LARGE1: variants seen among roughly 807,000 people sequenced by gnomAD.
LARGE1 encodes the protein xylosyl- and glucuronyltransferase LARGE1.
In LARGE1, 43 loss-of-function variants were observed where a neutral mutation model predicts 87.6. The ratio of observed to expected loss-of-function variants is 0.49; its 90% confidence interval spans 0.38 to 0.63. The LOEUF (loss-of-function observed/expected upper bound fraction) is 0.63. Ranked by LOEUF, LARGE1 falls within the 30% of genes least tolerant of loss-of-function variation. The pLI, the probability that LARGE1 is intolerant of heterozygous loss-of-function variation, is 0.00. For synonymous variants in LARGE1, 434 were observed against 394.6 expected (o/e 1.10, Z -1.18); for missense variants, 802 against 1,000.2 (o/e 0.80, Z 2.67).
rs34160766 is a variant in LARGE1, at chr22:33,676,590, C to CA, written c.107-25923dup. Among the ~76,000 whole-genome samples the CA allele has an allele frequency of 7.0e-3, 931 of 132,110 alleles. 3 individuals carry two copies. The highest frequency in any genetic ancestry group is 0.012 in the African/African-American group (428 of 36,362). The allele number at this position is 132,110 out of a possible 152,430, so 86.7% of individuals were successfully genotyped here. ...TACAGGAAAAGAAAAACACCACCAA[C>CA]AAAAAAAAAAAATAAGAAAATCAAC... On this transcript the variant is annotated intron_variant, in intron 2 of 14. Coordinates refer to ENST00000397394, the MANE Select transcript of LARGE1 (RefSeq NM_133642.5).
intron 11 of LARGE1, among the ~76,000 whole-genome samples, chr22:33,175,013 G>T (rs1454654212): frequency 6.6e-6 from 1 of 152,082 alleles, no homozygotes; most frequent in African/African-American, 2.4e-5. Flanking sequence ...ACCAAAACCT[G>T]GCAGAGACAC....
chr22:33,385,633 C>G (rs1441510937), intron 7 of LARGE1, among the ~76,000 whole-genome samples: 1 of 145,948 alleles, frequency 6.9e-6, no homozygotes, highest in African/African-American at 2.5e-5. Flanking sequence ...TACACTTAGG[C>G]TTAGCTGAAT....
At chr22:33,669,725 A>G (rs780505336) in intron 2 of LARGE1, among the ~76,000 whole-genome samples, 1 of 152,350 alleles carries the variant, frequency 6.6e-6, no homozygotes, top group Non-Finnish European at 1.5e-5. Context: ...AAATTACTGC[A>G]GCACATCTGT....
rs1262556444 is a variant in LARGE1, at chr22:33,255,786, C to T, written c.1730+48443G>A. Among the ~76,000 whole-genome samples the T allele has an allele frequency of 2.0e-5, 3 of 152,206 alleles. No individual in the cohort carries two copies. In the East Asian group the frequency reaches 5.8e-4, roughly 29 times the overall value. On this transcript the variant is annotated intron_variant, in intron 11 of 11. Transcript: ENST00000608642. The stretch of plus-strand genomic sequence containing the variant: ...CCACATTCATTTCTGAAACTATCTT[C>T]TTTTATCTCTGGCTAGGAATGTTTT...
chr22:33,328,067 T>A (rs763360536), intron 10 of LARGE1, among the ~76,000 whole-genome samples: 2 of 152,066 alleles, frequency 1.3e-5, no homozygotes, highest in Non-Finnish European at 2.9e-5. Context: ...CAAAAATAAA[T>A]AAGTCATGAT....
intron 2 of LARGE1, among the ~76,000 whole-genome samples, chr22:33,659,232 T>C (rs1296912458): frequency 2.0e-5 from 3 of 152,226 alleles, no homozygotes; most frequent in Non-Finnish European, 4.4e-5. Flanking sequence ...TATGAGACTA[T>C]ATTCATTTAG....
At chr22:33,882,877 T>G (rs2064737798) in intron 1 of LARGE1, among the ~76,000 whole-genome samples, 1 of 152,138 alleles carries the variant, frequency 6.6e-6, no homozygotes, top group South Asian at 2.1e-4. Flanking sequence ...GAGCGCTCTT[T>G]TAACTAATCA....
intron 11 of LARGE1, among the ~76,000 whole-genome samples, chr22:33,224,331 G>A: frequency 6.6e-6 from 1 of 152,120 alleles, no homozygotes; most frequent in Middle Eastern, 3.2e-3. Flanking sequence ...TAAATGCCCT[G>A]TATGACTAGA....
intron 7 of LARGE1, among the ~76,000 whole-genome samples, chr22:33,409,482 G>A (rs917746744): frequency 2.0e-5 from 3 of 152,160 alleles, no homozygotes; most frequent in South Asian, 4.1e-4. Flanking sequence ...GCATCCAAAT[G>A]GCTTGTGTCT....
At chr22:33,093,401 T>C in the LARGE1 span, among the ~76,000 whole-genome samples, 2 of 151,972 alleles carry the variant, frequency 1.3e-5, no homozygotes, top group Non-Finnish European at 2.9e-5. Context: ...CACAGGAGAG[T>C]GACTACCCAA....
intron 7 of LARGE1, among the ~76,000 whole-genome samples, chr22:33,426,112 C>T (rs900631355): frequency 2.6e-5 from 4 of 152,062 alleles, no homozygotes; most frequent in Non-Finnish European, 4.4e-5. Flanking sequence ...GTCTAGAAAA[C>T]GCTAGTCTAG....
chr22:33,797,855 A>C (rs2086034024), intron 1 of LARGE1, among the ~76,000 whole-genome samples: 1 of 152,226 alleles, frequency 6.6e-6, no homozygotes, highest in African/African-American at 2.4e-5. Context: ...ACCGTAACCT[A>C]ACCATCCCTC....
intron 2 of LARGE1, among the ~76,000 whole-genome samples, chr22:33,707,174 A>G (rs240087): frequency 0.013 from 2,011 of 152,268 alleles, 41 homozygotes; most frequent in African/African-American, 0.046. Context: ...GGGAATGGGG[A>G]AAACATGCTG....
At chr22:33,375,717 C>T (rs773488547) in intron 9 of LARGE1, among the ~76,000 whole-genome samples, 26 of 152,026 alleles carry the variant, frequency 1.7e-4, no homozygotes, top group African/African-American at 6.0e-4. Flanking sequence ...TCTTATTAAC[C>T]TCAAGAAATT....
chr22:33,182,262 T>A (rs76507259), intron 11 of LARGE1, among the ~76,000 whole-genome samples: 3 of 152,234 alleles, frequency 2.0e-5, no homozygotes, highest in African/African-American at 7.2e-5. Context: ...ATTAGGGTTC[T>A]ACAGTCCCAC....
chr22:33,340,952 T>C (rs1939074854), intron 9 of LARGE1, among the ~76,000 whole-genome samples: 1 of 151,746 alleles, frequency 6.6e-6, no homozygotes, highest in Admixed American at 6.6e-5. Flanking sequence ...CTTTGTCTGA[T>C]TATAGAGGAA....
chr22:33,921,800 G>T (rs1000743680), upstream of LARGE1, among the ~76,000 whole-genome samples: 1 of 152,114 alleles, frequency 6.6e-6, no homozygotes, highest in Non-Finnish European at 1.5e-5. The surrounding 1 kb of genome is among the most constrained non-coding windows in gnomAD (Gnocchi z 4.1). Flanking sequence ...TAGGGACCAG[G>T]GTGGGGGTAC....
chr22:33,550,003 A>G (rs2077476120), intron 6 of LARGE1, among the ~76,000 whole-genome samples: 2 of 152,098 alleles, frequency 1.3e-5, no homozygotes, highest in South Asian at 4.1e-4. Flanking sequence ...CCACAGGGTC[A>G]GGGGATGGGG....
At chr22:33,347,127 A>C (rs778550693) in intron 9 of LARGE1, among the ~76,000 whole-genome samples, 1 of 152,164 alleles carries the variant, frequency 6.6e-6, no homozygotes, top group Non-Finnish European at 1.5e-5. Context: ...AAGCCACTGC[A>C]TATTGAGTTT....
Sources: gnomAD v4.1 joint callset for allele counts (sites outside exome capture counted in the v4.1 genomes callset) on GRCh38, gnomAD v4.1.1 for gene constraint, Gnocchi (gnomAD v3.1) non-coding constraint, MANE v1.5 for transcripts, NCBI Gene and HGNC (gene_info 2026-07-23, HGNC 2026-07-21) for gene names.